The following GAB2 variants were observed in gnomAD, a reference collection of about 807,000 sequenced individuals.
GAB2 encodes the protein GRB2-associated-binding protein 2.
GAB2 carries 26 observed loss-of-function variants against 65.5 expected under a neutral mutation model. The observed-to-expected ratio is 0.40, with a 90% CI of 0.29 to 0.55. The LOEUF is 0.55. Ranked by LOEUF, GAB2 falls within the 20% of genes least tolerant of loss-of-function variation. GAB2 has a pLI of 0.53. For missense variants in GAB2, 884 were observed against 875.8 expected (o/e 1.01, Z -0.12); for synonymous variants, 321 against 329.6 (o/e 0.97, Z 0.28).
intron 1 of GAB2, among the ~76,000 whole-genome samples, chr11:78,292,749 G>A (rs745955325): frequency 6.6e-6 from 1 of 152,096 alleles, no homozygotes; most frequent in Non-Finnish European, 1.5e-5. Flanking sequence ...GCAATCCTTC[G>A]ACTACTCTGG....
At chr11:78,284,297 C>T (rs904911376) in intron 1 of GAB2, among the ~76,000 whole-genome samples, 2 of 152,234 alleles carry the variant, frequency 1.3e-5, no homozygotes, top group Non-Finnish European at 2.9e-5. Flanking sequence ...TTCCTGCTTC[C>T]ACCCTTTCAT....
chr11:78,255,085 A>G (rs185005468), intron 2 of GAB2, among the ~76,000 whole-genome samples: 59 of 152,274 alleles, frequency 3.9e-4, no homozygotes, highest in Admixed American at 2.5e-3. Flanking sequence ...CCCTCATCCA[A>G]TGAACTGGTA....
In GAB2 at chr11:78,377,500, G is replaced by C. The variant is rs143273922; in HGVS notation, c.75+40146C>G. Reference sequence around the variant, plus strand: ...ATCAGAATTTCAATACATGGTTTTGGGGGGACACAAACATTGAGTCGGTAG... The same window carrying C: ...ATCAGAATTTCAATACATGGTTTTGCGGGGACACAAACATTGAGTCGGTAG... On this transcript the variant is annotated intron_variant, in intron 1 of 9. Transcript: ENST00000361507. 8.3e-3 allele frequency among the ~76,000 whole-genome samples: 1,268 copies of C among 152,262 alleles called. 19 individuals are homozygous for C. Among genetic ancestry groups the C allele is most frequent in the African/African-American group, 0.029 (1,200 of 41,552 alleles).
chr11:78,293,825 G>C (rs536215483), intron 1 of GAB2, among the ~76,000 whole-genome samples: 1 of 152,216 alleles, frequency 6.6e-6, no homozygotes, highest in African/African-American at 2.4e-5. Context: ...CCGAGAGAGA[G>C]CAAGAGAAAA....
rs1263515218 is a variant in GAB2, at chr11:78,346,721, A to T, written c.76-65820T>A. 2.5e-3 allele frequency among the ~76,000 whole-genome samples: 88 copies of T among 34,570 alleles called. 1 individual carries two copies. The highest frequency in any genetic ancestry group is 0.017 in the East Asian group (16 of 958). The allele number at this position is 34,570 out of a possible 152,430, so 22.7% of individuals were successfully genotyped here. A position where few individuals can be genotyped will look rare whatever the true frequency, so the allele number is the denominator to read the frequency against. On this transcript the variant is annotated intron_variant, in intron 1 of 9. Coordinates refer to ENST00000361507, the MANE Select transcript of GAB2 (RefSeq NM_080491.3). ...TATATATATATATATATATATATAT[A>T]ATTTTTTTTTTTTTTAGGAAAAGAA...
chr11:78,250,515 G>T, intron 2 of GAB2, 115 bp from the exon 3 acceptor site: 1 of 919,608 alleles, frequency 1.1e-6, no homozygotes, highest in Non-Finnish European at 1.7e-6. Flanking sequence ...TCCAGCACTA[G>T]CATTCTCTCC....
intron 8 of GAB2, 109 bp downstream of exon 8, chr11:78,221,568 A>C: frequency 1.7e-6 from 1 of 594,702 alleles, no homozygotes; most frequent in Non-Finnish European, 3.1e-6. Context: ...TGAATAATAC[A>C]AGGAGTCCCT....
chr11:78,223,854 G>A (rs888338292), intron 5 of GAB2, among the ~76,000 whole-genome samples, 178 bp from the exon 6 acceptor site: 1 of 152,208 alleles, frequency 6.6e-6, no homozygotes, highest in Non-Finnish European at 1.5e-5. Flanking sequence ...GCTGAGGCAG[G>A]TGGATCACTT....
chr11:78,227,963 A>G (rs886222941), intron 3 of GAB2, among the ~76,000 whole-genome samples: 2 of 152,222 alleles, frequency 1.3e-5, no homozygotes, highest in Non-Finnish European at 1.5e-5. Context: ...CTGTTTGGGA[A>G]CTATATATAG....
intron 1 of GAB2, among the ~76,000 whole-genome samples, chr11:78,368,915 A>G (rs1856532773): frequency 6.6e-6 from 1 of 151,964 alleles, no homozygotes; most frequent in Non-Finnish European, 1.5e-5. Context: ...CATCGCTACA[A>G]ACAAATTTTT....
intron 1 of GAB2, among the ~76,000 whole-genome samples, chr11:78,390,506 T>C (rs1591082761): frequency 6.6e-6 from 1 of 152,164 alleles, no homozygotes; most frequent in Non-Finnish European, 1.5e-5. Flanking sequence ...CAAGAATCAC[T>C]TGAACCAGGG....
At chr11:78,285,040 AT>A (rs1438741874) in intron 1 of GAB2, among the ~76,000 whole-genome samples, 1 of 152,250 alleles carries the variant, frequency 6.6e-6, no homozygotes, top group African/African-American at 2.4e-5. Context: ...AGTACTATTT[AT>A]TTATAGTAAT....
rs1214072281 is a variant in GAB2, at chr11:78,216,525, C to T, written c.*2747G>A. On this transcript the variant is annotated 3_prime_UTR_variant, in exon 10 of 10. Transcript: ENST00000361507. ...CTTTCAAAAGGTCAATTTCACCTCT[C>T]ATCCTTCCATCTCTACCCCTACACT... 2.6e-5 allele frequency: 4 copies of T among 152,194 alleles called. No individual in the cohort carries two copies. Among genetic ancestry groups the T allele is most frequent in the African/African-American group, 7.2e-5 (3 of 41,416 alleles). The allele number at this position is 152,194 out of a possible 1,614,324, so 9.4% of individuals were successfully genotyped here. A position where few individuals can be genotyped will look rare whatever the true frequency, so the allele number is the denominator to read the frequency against.
chr11:78,225,347 A>G, intron 4 of GAB2, 145 bp from the exon 5 acceptor site: 1 of 604,184 alleles, frequency 1.7e-6, no homozygotes, highest in South Asian at 1.9e-5. Flanking sequence ...ATTTCTTCGA[A>G]CACATCACTC....
chr11:78,400,953 G>A (rs1355392539), intron 1 of GAB2, among the ~76,000 whole-genome samples: 3 of 146,788 alleles, frequency 2.0e-5, no homozygotes, highest in African/African-American at 7.5e-5. Flanking sequence ...CGAAGCAGCA[G>A]GCATGTCTTC....
At chr11:78,315,235 C>T (rs967997471) in intron 1 of GAB2, among the ~76,000 whole-genome samples, 1 of 152,094 alleles carries the variant, frequency 6.6e-6, no homozygotes, top group Non-Finnish European at 1.5e-5. Flanking sequence ...TTTGCTTTTC[C>T]TCTCAGTCTA....
intron 1 of GAB2, among the ~76,000 whole-genome samples, chr11:78,363,582 T>TA (rs202221773): frequency 5.7e-4 from 86 of 150,090 alleles, no homozygotes; most frequent in African/African-American, 2.1e-3. Flanking sequence ...TAGAAATATA[T>TA]TTTCTTTTTT....
chr11:78,327,002 C>A (rs1280772144), intron 1 of GAB2, among the ~76,000 whole-genome samples: 1 of 152,142 alleles, frequency 6.6e-6, no homozygotes, highest in Admixed American at 6.5e-5. Flanking sequence ...GCAAAGATCC[C>A]ATTTATGCTC....
chr11:78,232,935 A>T (rs1019291969), intron 3 of GAB2, among the ~76,000 whole-genome samples: 2 of 152,176 alleles, frequency 1.3e-5, no homozygotes, highest in Non-Finnish European at 2.9e-5. Context: ...GTAAACTTTA[A>T]AGCATCATTT....
Sources: gnomAD v4.1 joint callset for allele counts (sites outside exome capture counted in the v4.1 genomes callset) on GRCh38, gnomAD v4.1.1 for gene constraint, MANE v1.5 for transcripts, NCBI Gene and HGNC (gene_info 2026-07-23, HGNC 2026-07-21) for gene names.